The following MAMLD1 variants were observed in gnomAD, a reference collection of about 807,000 sequenced individuals.
MAMLD1 encodes mastermind-like domain-containing protein 1.
Under a neutral mutation model 45.0 loss-of-function variants are expected in MAMLD1, and 14 were observed. That is an observed-to-expected ratio of 0.31 (90% CI 0.21 to 0.49). MAMLD1 has a LOEUF of 0.49. Among genes scored for constraint, MAMLD1 ranks in the 20% least tolerant of loss-of-function variants. The probability of loss-of-function intolerance (pLI) is 0.99; values close to 1 mark genes in which losing one functional copy is unlikely to be tolerated. For missense variants in MAMLD1, 543 were observed against 603.6 expected (o/e 0.90, Z 1.05); for synonymous variants, 254 against 247.8 (o/e 1.02, Z -0.24).
intron 5 of MAMLD1, among the ~76,000 whole-genome samples, chrX:150,487,515 C>G (rs1421151179): frequency 8.9e-6 from 1 of 112,319 alleles, no homozygotes; most frequent in Non-Finnish European, 1.9e-5. Context: ...CAGCTCTTTT[C>G]CCAAGGACAT....
intron 7 of MAMLD1, among the ~76,000 whole-genome samples, chrX:150,511,233 C>A (rs1420478466): frequency 9.0e-6 from 1 of 110,884 alleles, no homozygotes; most frequent in African/African-American, 3.3e-5. Flanking sequence ...CAGTAGATAT[C>A]AGCTAGAGTG....
At chrX:150,457,023 C>T (rs2035891974) in intron 2 of MAMLD1, among the ~76,000 whole-genome samples, 1 of 112,884 alleles carries the variant, frequency 8.9e-6, no homozygotes, top group African/African-American at 3.2e-5. Flanking sequence ...CCAAACTCTG[C>T]CATAGGACAT....
At chrX:150,384,651 C>T (rs899010356) in intron 1 of MAMLD1, among the ~76,000 whole-genome samples, 11 of 111,894 alleles carry the variant, frequency 9.8e-5, no homozygotes, top group Non-Finnish European at 1.7e-4. Flanking sequence ...TCTTTTCTCA[C>T]TTGTGCTTTT....
intron 1 of MAMLD1, among the ~76,000 whole-genome samples, chrX:150,398,079 A>C (rs1335715967): frequency 1.9e-5 from 2 of 108,060 alleles, no homozygotes; most frequent in Non-Finnish European, 3.8e-5. Flanking sequence ...CTCAGCACCC[A>C]CTCCACCCAC....
intron 1 of MAMLD1, among the ~76,000 whole-genome samples, chrX:150,366,220 C>G (rs1557400723): frequency 8.9e-6 from 1 of 111,969 alleles, no homozygotes; most frequent in Non-Finnish European, 1.9e-5. Context: ...TTATTTGTGC[C>G]TTTTTGCATA....
Position 150,401,022 on chromosome X carries a change from C to T in MAMLD1, c.-64+37492C>T, listed in dbSNP as rs1367357584. Among the ~76,000 whole-genome samples, 3 of 111,252 alleles carry T rather than the reference C, an allele frequency of 2.7e-5. No individual in the cohort carries two copies. In the East Asian group the frequency reaches 8.4e-4, roughly 31 times the overall value. Reference sequence around the variant, plus strand: ...CTTTTTCTATTGATTGGAATAGTTTCAGAAGGAATGGAACCAGTTCCTCCT... The same window carrying T: ...CTTTTTCTATTGATTGGAATAGTTTTAGAAGGAATGGAACCAGTTCCTCCT... On this transcript the variant is annotated intron_variant, in intron 1 of 7. Coordinates refer to ENST00000370401, the MANE Select transcript of MAMLD1 (RefSeq NM_005491.5).
At chrX:150,498,541 C>A (rs1316162355) in intron 5 of MAMLD1, among the ~76,000 whole-genome samples, 3 of 112,332 alleles carry the variant, frequency 2.7e-5, no homozygotes, top group African/African-American at 9.7e-5. Context: ...CTGTAGCCAG[C>A]AGTCACATGT....
intron 3 of MAMLD1, among the ~76,000 whole-genome samples, chrX:150,468,121 C>T (rs931784605): frequency 8.9e-6 from 1 of 111,773 alleles, no homozygotes; most frequent in Non-Finnish European, 1.9e-5. Flanking sequence ...GAAAAACTCC[C>T]GATGCCTGGG....
chrX:150,434,389 C>T (rs782656955), intron 1 of MAMLD1, among the ~76,000 whole-genome samples: 1 of 111,025 alleles, frequency 9.0e-6, no homozygotes, highest in African/African-American at 3.3e-5. Flanking sequence ...ATGTTTTTCA[C>T]ATCTTTTCCC....
chrX:150,406,772 G>A (rs1239513180), intron 1 of MAMLD1, among the ~76,000 whole-genome samples: 1 of 111,255 alleles, frequency 9.0e-6, no homozygotes, highest in Admixed American at 9.5e-5. Context: ...CTAGAAGAGT[G>A]GTCGAGGGTC....
chrX:150,471,740 C>T (rs1557406581), intron 4 of MAMLD1, among the ~76,000 whole-genome samples: 1 of 112,137 alleles, frequency 8.9e-6, no homozygotes, highest in Non-Finnish European at 1.9e-5. Context: ...GCTGCACCCA[C>T]AAGGTGCTCC....
At position 150,394,371 on chromosome X, in the gene MAMLD1, T is replaced by C. The variant is rs189018347; in HGVS notation, c.-64+30841T>C. Among the ~76,000 whole-genome samples the C allele has an allele frequency of 8.2e-5, 9 of 110,022 alleles. 1 individual carries two copies. In the South Asian group the frequency reaches 1.5e-3, roughly 19 times the overall value. ...CTTTATAGTAAGTCTTGAGGTCAGG[T>C]AGTGTCAGTCCTTTGACTTTGTTCT... On this transcript the variant is annotated intron_variant, in intron 1 of 7. Transcript: ENST00000370401.
chrX:150,510,666 G>A (rs1235096906), intron 7 of MAMLD1, among the ~76,000 whole-genome samples: 3 of 112,648 alleles, frequency 2.7e-5, no homozygotes, highest in Non-Finnish European at 5.6e-5. Flanking sequence ...TAGCCAAGAA[G>A]TCATGAGTTC....
intron 3 of MAMLD1, among the ~76,000 whole-genome samples, chrX:150,463,057 G>A (rs2036100504): frequency 8.9e-6 from 1 of 112,430 alleles, no homozygotes; most frequent in Admixed American, 9.4e-5. Flanking sequence ...TTCTCCCTTT[G>A]CCTGTGTGAT....
At chrX:150,456,061 T>C (rs1193739381) in intron 2 of MAMLD1, among the ~76,000 whole-genome samples, 1 of 111,478 alleles carries the variant, frequency 9.0e-6, no homozygotes, top group African/African-American at 3.3e-5. Flanking sequence ...CAAGTCAAAA[T>C]ATCGTGGCTG....
intron 1 of MAMLD1, among the ~76,000 whole-genome samples, chrX:150,368,571 T>A (rs1396559401): frequency 9.0e-6 from 1 of 111,382 alleles, no homozygotes. Flanking sequence ...TTTAATTAGA[T>A]CCCATTTGTC....
chrX:150,440,132 T>C (rs1328900394), intron 1 of MAMLD1, among the ~76,000 whole-genome samples: 5 of 111,551 alleles, frequency 4.5e-5, no homozygotes, highest in Non-Finnish European at 7.5e-5. Context: ...AGTCTTTGCC[T>C]GTTAACATAG....
At chrX:150,364,367 T>A (rs2031220459) in intron 1 of MAMLD1, among the ~76,000 whole-genome samples, 1 of 113,083 alleles carries the variant, frequency 8.8e-6, no homozygotes, top group Admixed American at 9.2e-5. Flanking sequence ...TGATCCGTGA[T>A]TAAATTCGGA....
chrX:150,403,718 T>A (rs2033878618), intron 1 of MAMLD1, among the ~76,000 whole-genome samples: 1 of 107,596 alleles, frequency 9.3e-6, no homozygotes, highest in South Asian at 4.1e-4. Context: ...GGCAGGAGGA[T>A]CGCTTGAACC....
Sources: allele counts gnomAD v4.1 joint callset (sites outside exome capture counted in the v4.1 genomes callset), GRCh38; gene constraint gnomAD v4.1.1; transcripts MANE v1.5; gene names NCBI Gene and HGNC (gene_info 2026-07-23, HGNC 2026-07-21).